The following ZNF654 variants were observed in gnomAD, a reference collection of about 807,000 sequenced individuals.
ZNF654 encodes zinc finger protein 654.
In ZNF654, 19 loss-of-function variants were observed where a neutral mutation model predicts 95.3. The observed-to-expected ratio is 0.20, with a 90% CI of 0.14 to 0.29. The LOEUF is 0.29. Among genes scored for constraint, ZNF654 ranks in the 10% least tolerant of loss-of-function variants. The pLI is 1.00. For missense variants in ZNF654, 1,046 were observed against 1,341.0 expected (o/e 0.78, Z 3.44); for synonymous variants, 413 against 457.9 (o/e 0.90, Z 1.25).
chr3:88,087,482 T>C (rs1708397162), intron 2 of ZNF654, among the ~76,000 whole-genome samples: 1 of 152,128 alleles, frequency 6.6e-6, no homozygotes, highest in South Asian at 2.1e-4. Context: ...ACTAAAATTA[T>C]AGTAAAGAAG....
intron 6 of ZNF654, among the ~76,000 whole-genome samples, chr3:88,131,882 C>G (rs1435757175): frequency 6.6e-6 from 1 of 151,892 alleles, no homozygotes; most frequent in African/African-American, 2.4e-5. Flanking sequence ...TCTGTTTCAT[C>G]CTGGCCTAGC....
chr3:88,107,080 A>G (rs780350752), intron 2 of ZNF654, among the ~76,000 whole-genome samples: 6 of 152,222 alleles, frequency 3.9e-5, no homozygotes, highest in Non-Finnish European at 7.3e-5. Context: ...CAATTTTGTA[A>G]TGAAATTGTC....
chr3:88,094,805 C>G (rs1175117805), intron 2 of ZNF654, among the ~76,000 whole-genome samples: 1 of 151,774 alleles, frequency 6.6e-6, no homozygotes, highest in African/African-American at 2.4e-5. Context: ...TTTTTAACTT[C>G]CTTCCCACTA....
chr3:88,077,365 G>T (rs1239999634), intron 1 of ZNF654, among the ~76,000 whole-genome samples: 10 of 141,624 alleles, frequency 7.1e-5, no homozygotes, highest in Admixed American at 5.2e-4. Context: ...ACGGAGTCTC[G>T]CTCTGTTGCC....
intron 8 of ZNF654, among the ~76,000 whole-genome samples, chr3:88,141,388 A>C (rs1238969990): frequency 6.6e-6 from 1 of 152,110 alleles, no homozygotes; most frequent in Non-Finnish European, 1.5e-5. Context: ...CATATAATAA[A>C]AGTTGTAATT....
chr3:88,138,506 AGAT>A (rs1456132160), intron 7 of ZNF654, among the ~76,000 whole-genome samples, 196 bp from the exon 8 acceptor site: 1 of 152,180 alleles, frequency 6.6e-6, no homozygotes, highest in Non-Finnish European at 1.5e-5. Flanking sequence ...TATCTATTCC[AGAT>A]TATTTTCAAG....
intron 1 of ZNF654, among the ~76,000 whole-genome samples, chr3:88,063,866 G>T (rs1707037171): frequency 6.6e-6 from 1 of 152,064 alleles, no homozygotes; most frequent in Non-Finnish European, 1.5e-5. Context: ...CAGGGTAGTT[G>T]CTTGAGTCCC....
At chr3:88,062,717 T>C (rs1706955583) in intron 1 of ZNF654, among the ~76,000 whole-genome samples, 1 of 152,230 alleles carries the variant, frequency 6.6e-6, no homozygotes, top group Non-Finnish European at 1.5e-5. Flanking sequence ...TTTGATATGT[T>C]GATTGAAATA....
chr3:88,123,120 C>T (rs1203267376), intron 3 of ZNF654, among the ~76,000 whole-genome samples: 1 of 151,960 alleles, frequency 6.6e-6, no homozygotes, highest in Admixed American at 6.6e-5. Flanking sequence ...TCCTTATTCA[C>T]TTCGAGGTTT....
chr3:88,134,600 A>T (rs947439880), intron 6 of ZNF654, among the ~76,000 whole-genome samples: 7 of 152,128 alleles, frequency 4.6e-5, no homozygotes, highest in Non-Finnish European at 1.5e-5. Context: ...CAGAATCAAT[A>T]CTATACTTAC....
intron 6 of ZNF654, among the ~76,000 whole-genome samples, chr3:88,132,214 C>T (rs1324131702): frequency 1.3e-5 from 2 of 151,792 alleles, no homozygotes; most frequent in Non-Finnish European, 2.9e-5. Context: ...ATTAAAATTA[C>T]TTAAAATAAA....
chr3:88,129,904 T>TA, intron 6 of ZNF654, 78 bp downstream of exon 6: 1 of 1,251,374 alleles, frequency 8.0e-7, no homozygotes, highest in Non-Finnish European at 1.0e-6. Flanking sequence ...CTTTGTTTTT[T>TA]ACATTGTATG....
At chr3:88,088,519 TATG>T (rs1708455333) in intron 2 of ZNF654, among the ~76,000 whole-genome samples, 1 of 151,916 alleles carries the variant, frequency 6.6e-6, no homozygotes, top group African/African-American at 2.4e-5. Flanking sequence ...ATTAAGAAAA[TATG>T]ATGGTTAAAA....
chr3:88,129,826 GGTAA>G lies in ZNF654; in HGVS notation c.893+3_893+6del. 1 of 1,435,436 alleles carries G rather than the reference GGTAA, an allele frequency of 7.0e-7. No individual in the cohort carries two copies. The highest frequency in any genetic ancestry group is 9.2e-7 in the Non-Finnish European group (1 of 1,086,834). The allele number at this position is 1,435,436 out of a possible 1,614,324, so 88.9% of individuals were successfully genotyped here. On this transcript the variant is annotated splice_donor_variant and splice_donor_region_variant and intron_variant, in intron 6 of 8. Coordinates refer to ENST00000636215, the MANE Select transcript of ZNF654 (RefSeq NM_001350134.2). LOFTEE classifies it high-confidence loss of function. ...CAGAATGGGGATATGTACTGTATCT[GGTAA>G]GTGTTTGTAAATAAAGAAATTGAAA...
At chr3:88,104,517 G>A (rs1305078048) in intron 2 of ZNF654, among the ~76,000 whole-genome samples, 3 of 152,146 alleles carry the variant, frequency 2.0e-5, no homozygotes, top group Non-Finnish European at 4.4e-5. Context: ...CCAGATGCCA[G>A]GAATAAAGCA....
At chr3:88,071,011 G>A (rs1184098680) in intron 1 of ZNF654, among the ~76,000 whole-genome samples, 3 of 152,152 alleles carry the variant, frequency 2.0e-5, no homozygotes, top group East Asian at 1.9e-4. Context: ...CGTAGGTAGA[G>A]AGTTGTGAGA....
At chr3:88,089,337 A>G (rs1708516604) in intron 2 of ZNF654, among the ~76,000 whole-genome samples, 1 of 151,738 alleles carries the variant, frequency 6.6e-6, no homozygotes, top group Admixed American at 6.6e-5. Flanking sequence ...TAAAAATACA[A>G]AAAATTAGCC....
Position 88,126,208 on chromosome 3 carries a change from C to A in ZNF654, c.489C>A (p.Gly163=). 6.5e-7 allele frequency: 1 copy of A among 1,530,230 alleles called. No homozygotes were observed. The highest frequency in any genetic ancestry group is 2.5e-5 in the East Asian group (1 of 40,802). The allele number at this position is 1,530,230 out of a possible 1,614,324, so 94.8% of individuals were successfully genotyped here. The change falls in exon 4 of 9, where the codon GGC becomes GGA. Residue 163 remains glycine (G), a synonymous_variant. Transcript: ENST00000636215. ...ELVTRIIRDG[G]PWEDPVLQAV... ...TGACTCGAATCATTAGAGATGGTGG[C>A]CCATGGGAAGATCCAGTGTTGCAAG...
At chr3:88,120,984 T>G (rs977849532) in intron 3 of ZNF654, among the ~76,000 whole-genome samples, 1 of 152,104 alleles carries the variant, frequency 6.6e-6, no homozygotes, top group Non-Finnish European at 1.5e-5. Flanking sequence ...ACCTAATGCA[T>G]GTGGTGCTTA....
Sources: allele counts gnomAD v4.1 joint callset (sites outside exome capture counted in the v4.1 genomes callset), GRCh38; gene constraint gnomAD v4.1.1; transcripts MANE v1.5; gene names NCBI Gene and HGNC (gene_info 2026-07-23, HGNC 2026-07-21).